EBF1: variants seen among roughly 807,000 people sequenced by gnomAD.
EBF1 encodes the protein EBF transcription factor 1, also known as transcription factor COE1.
In EBF1, 10 loss-of-function variants were observed where a neutral mutation model predicts 68.4. The ratio of observed to expected loss-of-function variants is 0.15; its 90% CI spans 0.09 to 0.25. The LOEUF is 0.25. Ranked by LOEUF, EBF1 falls within the 10% of genes least tolerant of loss-of-function variation. The pLI is 1.00. For missense variants in EBF1, 509 were observed against 794.4 expected (o/e 0.64, Z 4.32); for synonymous variants, 298 against 299.8 (o/e 0.99, Z 0.06).
intron 6 of EBF1, among the ~76,000 whole-genome samples, chr5:158,938,794 T>C (rs760474281): frequency 2.6e-5 from 4 of 152,140 alleles, no homozygotes; most frequent in Admixed American, 6.5e-5. Flanking sequence ...AAACCTCACC[T>C]CCTAATAATA....
chr5:158,968,243 C>A (rs1754569000), intron 6 of EBF1, among the ~76,000 whole-genome samples: 2 of 152,118 alleles, frequency 1.3e-5, no homozygotes, highest in African/African-American at 4.8e-5. Flanking sequence ...TAATACCAGT[C>A]AGATAAAGCT....
intron 8 of EBF1, among the ~76,000 whole-genome samples, chr5:158,816,562 G>A (rs1690964626): frequency 6.6e-6 from 1 of 152,184 alleles, no homozygotes; most frequent in Admixed American, 6.5e-5. Context: ...GCCCCTGGTG[G>A]GAGGGGAGAG....
At chr5:158,737,317 T>TC (rs1561786099) in intron 10 of EBF1, among the ~76,000 whole-genome samples, 1 of 123,888 alleles carries the variant, frequency 8.1e-6, no homozygotes, top group Non-Finnish European at 1.6e-5. Flanking sequence ...GGAGTCTCGC[T>TC]CCGTCGCCCA....
At chr5:158,945,253 A>T (rs1583373033) in intron 6 of EBF1, among the ~76,000 whole-genome samples, 1 of 152,124 alleles carries the variant, frequency 6.6e-6, no homozygotes, top group Non-Finnish European at 1.5e-5. Flanking sequence ...TTTGTATAAG[A>T]TGTAAGGAAG....
intron 6 of EBF1, among the ~76,000 whole-genome samples, chr5:158,869,649 CT>C (rs1796543137): frequency 6.6e-6 from 1 of 150,900 alleles, no homozygotes; most frequent in Admixed American, 6.6e-5. Flanking sequence ...TTGTTTTGAT[CT>C]TTTGGGACCT....
intron 6 of EBF1, among the ~76,000 whole-genome samples, chr5:158,874,122 A>C (rs1797368417): frequency 6.6e-6 from 1 of 152,222 alleles, no homozygotes; most frequent in Non-Finnish European, 1.5e-5. Flanking sequence ...GAAAACTAGA[A>C]TATATCAGCA....
At chr5:158,719,948 A>G (rs2127512813) in intron 11 of EBF1, among the ~76,000 whole-genome samples, 1 of 152,242 alleles carries the variant, frequency 6.6e-6, no homozygotes, top group African/African-American at 2.4e-5. Context: ...ATCCATAATC[A>G]AAGTCAAGTT....
At chr5:158,892,554 C>T (rs982399953) in intron 6 of EBF1, among the ~76,000 whole-genome samples, 2 of 152,118 alleles carry the variant, frequency 1.3e-5, no homozygotes, top group Non-Finnish European at 2.9e-5. Flanking sequence ...TGGAAAATTC[C>T]ACTCCTGGCC....
At chr5:158,958,380 T>C (rs1817548770) in intron 6 of EBF1, among the ~76,000 whole-genome samples, 1 of 152,162 alleles carries the variant, frequency 6.6e-6, no homozygotes, top group African/African-American at 2.4e-5. Context: ...CAATTTGCGG[T>C]GCTGATTGGA....
At chr5:158,969,912 GAAAGAA>G (rs754361210) in intron 6 of EBF1, among the ~76,000 whole-genome samples, 992 of 91,946 alleles carry the variant, frequency 0.011, 5 homozygotes, top group Admixed American at 0.013. Context: ...AAGAAAGAAA[GAAAGAA>G]AAAAAAAAAA....
At chr5:159,080,266 A>G (rs892839384) in intron 5 of EBF1, among the ~76,000 whole-genome samples, 4 of 151,994 alleles carry the variant, frequency 2.6e-5, no homozygotes, top group African/African-American at 9.7e-5. Context: ...CTACCCAACT[A>G]CAAGTATTTC....
At chr5:158,939,750 C>T (rs145810648) in intron 6 of EBF1, among the ~76,000 whole-genome samples, 94 of 66,948 alleles carry the variant, frequency 1.4e-3, no homozygotes, top group Non-Finnish European at 2.3e-3. Flanking sequence ...GTCTGCTTTC[C>T]GGGCGGGGGT....
chr5:158,893,621 T>C (rs529742204), intron 6 of EBF1, among the ~76,000 whole-genome samples: 163 of 152,318 alleles, frequency 1.1e-3, no homozygotes, highest in African/African-American at 3.8e-3. Context: ...AATCCTTTGC[T>C]GAGGCCAAGG....
intron 8 of EBF1, among the ~76,000 whole-genome samples, chr5:158,810,072 G>A (rs539242346): frequency 6.6e-6 from 1 of 152,174 alleles, no homozygotes; most frequent in East Asian, 1.9e-4. Context: ...AGGAATATGA[G>A]GTTTGACTTT....
chr5:158,897,378 C>A (rs993067786), intron 6 of EBF1, among the ~76,000 whole-genome samples: 1 of 152,056 alleles, frequency 6.6e-6, no homozygotes, highest in Non-Finnish European at 1.5e-5. Context: ...AACACATGGA[C>A]ACATAGAGGG....
chr5:158,787,981 T>C (rs1385880155), intron 9 of EBF1, among the ~76,000 whole-genome samples: 1 of 152,214 alleles, frequency 6.6e-6, no homozygotes, highest in South Asian at 2.1e-4. Context: ...CTTTCAAGCA[T>C]TGTCAACTAC....
At chr5:159,066,521 A>C (rs555691988) in intron 6 of EBF1, among the ~76,000 whole-genome samples, 3 of 152,182 alleles carry the variant, frequency 2.0e-5, no homozygotes, top group Non-Finnish European at 4.4e-5. Flanking sequence ...CAGTTTAATT[A>C]AGTTTGCATC....
At chr5:158,835,946 A>T (rs1430259569) in intron 7 of EBF1, among the ~76,000 whole-genome samples, 2 of 152,212 alleles carry the variant, frequency 1.3e-5, no homozygotes, top group African/African-American at 2.4e-5. Flanking sequence ...TATCATCATC[A>T]TCGCTACCAA....
intron 10 of EBF1, among the ~76,000 whole-genome samples, chr5:158,756,587 A>C (rs1357245588): frequency 6.6e-6 from 1 of 151,930 alleles, no homozygotes; most frequent in Non-Finnish European, 1.5e-5. Flanking sequence ...CAATCCACTT[A>C]TCTGACAACC....
Sources: gnomAD v4.1 joint callset for allele counts (sites outside exome capture counted in the v4.1 genomes callset) on GRCh38, gnomAD v4.1.1 for gene constraint, MANE v1.5 for transcripts, NCBI Gene and HGNC (gene_info 2026-07-23, HGNC 2026-07-21) for gene names.